ANKDD1A: variants seen among roughly 807,000 people sequenced by gnomAD.
ANKDD1A encodes the protein ankyrin repeat and death domain containing 1A.
Under a neutral mutation model 63.5 loss-of-function variants are expected in ANKDD1A, and 59 were observed. The ratio of observed to expected loss-of-function variants is 0.93; its 90% CI spans 0.75 to 1.15. The LOEUF is 1.15. ANKDD1A is among the 50% of genes most tolerant of loss of function. The pLI is 0.00. For missense variants in ANKDD1A, 632 were observed against 656.4 expected (o/e 0.96, Z 0.41); for synonymous variants, 266 against 263.9 (o/e 1.01, Z -0.08).
In ANKDD1A at chr15:64,943,570, C is replaced by T; in HGVS notation, c.1053C>T (p.Asn351=). The T allele has an allele frequency of 1.2e-6, 2 of 1,614,170 alleles. No homozygotes were observed. The highest frequency in any genetic ancestry group is 2.2e-5 in the South Asian group (2 of 91,084). The change falls in exon 11 of 15, where the codon AAC becomes AAT. Residue 351 remains asparagine, a synonymous_variant. Transcript: ENST00000319580. ...TCCTCATTGCTGGGGTTGACTTAAA[C>T]CTGAGAGATAAGGTACCTCTGCTTA... is the stretch of plus-strand genomic sequence containing the variant. The part of the protein sequence containing the change: ...DMLLIAGVDL[N]LRDKQGKTAL...
At chr15:64,955,270 G>A (rs1050961822) in intron 14 of ANKDD1A, among the ~76,000 whole-genome samples, 2 of 152,120 alleles carry the variant, frequency 1.3e-5, no homozygotes, top group Non-Finnish European at 2.9e-5. Context: ...AGCCAGGATG[G>A]TCTTGATCTC....
chr15:64,950,087 T>C, intron 14 of ANKDD1A, 115 bp downstream of exon 14: 2 of 1,520,988 alleles, frequency 1.3e-6, no homozygotes, highest in African/African-American at 1.4e-5. Context: ...GCTCTAGGCC[T>C]TCCAGATTCC....
chr15:64,915,070 C>T (rs2084958896), intron 1 of ANKDD1A, among the ~76,000 whole-genome samples: 2 of 152,090 alleles, frequency 1.3e-5, no homozygotes, highest in East Asian at 1.9e-4. Context: ...TTTGGGAGGC[C>T]GAGGCAGGCA....
intron 14 of ANKDD1A, among the ~76,000 whole-genome samples, chr15:64,952,698 CTTAG>C (rs1156359098): frequency 7.8e-6 from 1 of 128,924 alleles, no homozygotes; most frequent in Non-Finnish European, 1.6e-5. Flanking sequence ...CCTTTTTCTT[CTTAG>C]TTCTTCTCCT....
rs1267866377 is a variant in ANKDD1A, at chr15:64,957,437, A to T, written c.*249A>T. Reference sequence around the variant, plus strand: ...GATTATTTTACCTTGAAATTACAAAAATTATTTTCAGTTTTCCAAAATTCT... The same window carrying T: ...GATTATTTTACCTTGAAATTACAAATATTATTTTCAGTTTTCCAAAATTCT... On this transcript the variant is annotated 3_prime_UTR_variant, in exon 15 of 15. Transcript: ENST00000319580. 1 of 156,990 alleles carries T rather than the reference A, an allele frequency of 6.4e-6. No homozygotes were observed. The highest frequency in any genetic ancestry group is 1.4e-5 in the Non-Finnish European group (1 of 72,398). 9.7% of individuals were successfully genotyped at this position (156,990 alleles called of 1,614,324 possible). A position where few individuals can be genotyped will look rare whatever the true frequency, so the allele number is the denominator to read the frequency against.
intron 2 of ANKDD1A, 66 bp downstream of exon 2, chr15:64,915,966 G>C: frequency 6.8e-7 from 1 of 1,480,360 alleles, no homozygotes; most frequent in Non-Finnish European, 9.3e-7. Context: ...AGTACACAGG[G>C]GGAATAGTTT....
At chr15:64,951,837 ATTCT>A (rs1162233719) in intron 14 of ANKDD1A, among the ~76,000 whole-genome samples, 15 of 51,360 alleles carry the variant, frequency 2.9e-4, no homozygotes, top group East Asian at 2.6e-3. Flanking sequence ...CATCCTTCTT[ATTCT>A]TTCTTCTTCT....
intron 2 of ANKDD1A, among the ~76,000 whole-genome samples, chr15:64,916,378 G>A (rs1199201729): frequency 6.6e-6 from 1 of 150,606 alleles, no homozygotes; most frequent in Admixed American, 6.6e-5. Context: ...AGGCTGGAGT[G>A]CAGTGGAGCA....
chr15:64,940,442 A>T (rs979018970), intron 9 of ANKDD1A, among the ~76,000 whole-genome samples: 9 of 149,066 alleles, frequency 6.0e-5, no homozygotes, highest in African/African-American at 1.7e-4. Context: ...ATATATAGAT[A>T]TTTTTTTTGA....
chr15:64,955,648 T>C (rs527748103), intron 14 of ANKDD1A, among the ~76,000 whole-genome samples: 2 of 152,312 alleles, frequency 1.3e-5, no homozygotes, highest in Non-Finnish European at 2.9e-5. Context: ...CTCTCCTTCA[T>C]GTGGCAGAGC....
intron 13 of ANKDD1A, among the ~76,000 whole-genome samples, chr15:64,948,530 A>AT (rs746240110): frequency 3.9e-4 from 60 of 152,276 alleles, no homozygotes; most frequent in Middle Eastern, 3.4e-3. Context: ...AAATTAACAT[A>AT]AAGAGATATC....
Position 64,953,100 on chromosome 15 carries a change from CTTT to C in ANKDD1A, c.1483+3130_1483+3132del, listed in dbSNP as rs570307811. ...TTCTTCTTCTTCCTTCTTATACTTT[CTTT>C]TCTTTCTTCCGCTTTCTACTTTCTT... On this transcript the variant is annotated intron_variant, in intron 14 of 14. Coordinates refer to ENST00000319580, the MANE Select transcript of ANKDD1A (RefSeq NM_182703.6). Among the ~76,000 whole-genome samples the C allele has an allele frequency of 7.7e-3, 1,090 of 142,320 alleles. 8 individuals are homozygous for C. Among genetic ancestry groups the C allele is most frequent in the South Asian group, 0.019 (83 of 4,452 alleles). The allele number at this position is 142,320 out of a possible 152,430, so 93.4% of individuals were successfully genotyped here. A position where few individuals can be genotyped will look rare whatever the true frequency, so the allele number is the denominator to read the frequency against.
At chr15:64,939,629 A>C (rs1172537270) in intron 9 of ANKDD1A, among the ~76,000 whole-genome samples, 1 of 151,956 alleles carries the variant, frequency 6.6e-6, no homozygotes, top group African/African-American at 2.4e-5. Flanking sequence ...AATAAAAAGC[A>C]AAAAAAATAT....
In ANKDD1A at chr15:64,949,984, C is replaced by G; in HGVS notation, c.1483+12C>G. On this transcript the variant is annotated intron_variant, in intron 14 of 14. Coordinates refer to ENST00000319580, the MANE Select transcript of ANKDD1A (RefSeq NM_182703.6). ...GAGGGACCTGGCTGGTAAGAGCGTA[C>G]TCTGCTGGGCTGCTTCTCAGGAGCT... The G allele has an allele frequency of 1.2e-6, 2 of 1,605,884 alleles. No individual in the cohort carries two copies. The highest frequency in any genetic ancestry group is 1.7e-6 in the Non-Finnish European group (2 of 1,177,898).
At chr15:64,954,633 TTTCTTCTTCCTTC>T (rs1221999323) in intron 14 of ANKDD1A, among the ~76,000 whole-genome samples, 19 of 142,966 alleles carry the variant, frequency 1.3e-4, no homozygotes, top group South Asian at 2.2e-4. Context: ...TCTTCTTCCT[TTTCTTCTTCCTTC>T]TTCTTCTCCT....
intron 4 of ANKDD1A, among the ~76,000 whole-genome samples, chr15:64,925,543 GA>G (rs566148620): frequency 1.0e-3 from 159 of 152,192 alleles, no homozygotes; most frequent in African/African-American, 3.6e-3. Context: ...AGAAGGTGAG[GA>G]GGTCACTTCC....
chr15:64,951,482 CCTCTTCTT>C lies in ANKDD1A; in HGVS notation c.1483+1511_1483+1518del, dbSNP rs2085275437. 4.4e-4 allele frequency: 29 copies of C among 66,576 alleles called. No individual in the cohort carries two copies. The East Asian group carries it at 0.021, about 48-fold the overall frequency. The allele number at this position is 66,576 out of a possible 1,614,324, so 4.1% of individuals were successfully genotyped here. On this transcript the variant is annotated intron_variant, in intron 14 of 14. Transcript: ENST00000319580. The stretch of plus-strand genomic sequence containing the variant: ...CTTTTCTCTTTTTTCTTTTCTTCTT[CCTCTTCTT>C]TTCTTCTTCTTCCTCTTCCTTCTTC...
At chr15:64,953,515 C>A (rs1482243095) in intron 14 of ANKDD1A, among the ~76,000 whole-genome samples, 21 of 100,356 alleles carry the variant, frequency 2.1e-4, no homozygotes, top group East Asian at 1.9e-3. Context: ...CCTCTTCCTT[C>A]TCCTTCTTCC....
intron 9 of ANKDD1A, among the ~76,000 whole-genome samples, chr15:64,937,234 C>A (rs1309804158): frequency 6.6e-6 from 1 of 152,062 alleles, no homozygotes; most frequent in Non-Finnish European, 1.5e-5. Flanking sequence ...ATAAAACTTA[C>A]AAATACATGT....
Sources: allele counts gnomAD v4.1 joint callset (sites outside exome capture counted in the v4.1 genomes callset), GRCh38; gene constraint gnomAD v4.1.1; transcripts MANE v1.5; gene names NCBI Gene and HGNC (gene_info 2026-07-23, HGNC 2026-07-21).